Variants in COA8 observed in about 807,000 individuals in gnomAD.
COA8 encodes the protein UPF0671 protein C14orf153.
Under a neutral mutation model 22.0 loss-of-function variants are expected in COA8, and 20 were observed. The ratio of observed to expected loss-of-function variants is 0.91; its 90% CI spans 0.64 to 1.32. The LOEUF (loss-of-function observed/expected upper bound fraction) is 1.32. Among genes scored for constraint, COA8 ranks in the 40% most tolerant of loss-of-function variants. The probability of loss-of-function intolerance (pLI) is 0.00; values close to 1 mark genes in which losing one functional copy is unlikely to be tolerated. For missense variants in COA8, 266 were observed against 230.0 expected (o/e 1.16, Z -1.01); for synonymous variants, 105 against 79.9 (o/e 1.31, Z -1.68).
At chr14:103,572,099 C>T (rs1471668527) in intron 2 of COA8, among the ~76,000 whole-genome samples, 1 of 151,322 alleles carries the variant, frequency 6.6e-6, no homozygotes, top group Non-Finnish European at 1.5e-5. Flanking sequence ...TGCACTCCAG[C>T]CTGGGTGACA....
Position 103,590,256 on chromosome 14 carries a change from T to G in COA8, c.552T>G (p.Leu184=), listed in dbSNP as rs775759499. Residue 184 remains leucine, a synonymous_variant, in exon 5 of 5, where the codon CTT becomes CTG. Transcript: ENST00000409074. ...KVALERIWNK[L]KQKQKKRSN ...CCCTGGAAAGGATTTGGAACAAGCT[T>G]AAACAGAAACAAAAGAAGAGGAGCA... The G allele has an allele frequency of 6.2e-7, 1 of 1,614,058 alleles. No homozygotes were observed. The highest frequency in any genetic ancestry group is 1.1e-5 in the South Asian group (1 of 91,086).
At chr14:103,574,354 C>T in intron 3 of COA8, 184 bp downstream of exon 3, 2 of 784,836 alleles carry the variant, frequency 2.5e-6, no homozygotes, top group South Asian at 2.8e-5. Context: ...GCATGGCTCT[C>T]CAATCTCAGC....
At chr14:103,574,976 T>C (rs2076219810) in intron 3 of COA8, among the ~76,000 whole-genome samples, 1 of 152,252 alleles carries the variant, frequency 6.6e-6, no homozygotes, top group South Asian at 2.1e-4. Flanking sequence ...ATTTTATAGA[T>C]GAGCAACCTG....
intron 1 of COA8, among the ~76,000 whole-genome samples, chr14:103,571,234 T>C (rs1384370304): frequency 6.6e-6 from 1 of 151,978 alleles, no homozygotes; most frequent in African/African-American, 2.4e-5. Flanking sequence ...CCGGGCGTGG[T>C]GATGGGCGCC....
At position 103,573,903 on chromosome 14, in the gene COA8, C is replaced by G. The variant is rs527926787; in HGVS notation, c.322-204C>G. 5.9e-4 allele frequency among the ~76,000 whole-genome samples: 90 copies of G among 152,174 alleles called. No individual in the cohort carries two copies. The Middle Eastern group carries it at 0.01, about 17-fold the overall frequency. On this transcript the variant is annotated intron_variant, in intron 2 of 4. Coordinates refer to ENST00000409074, the MANE Select transcript of COA8 (RefSeq NM_001370595.2). ...GCGTCTCCCAAAGTTTATTGAACAT[C>G]TTCTCAAATCCTGTTTCAAGCACAA...
chr14:103,574,261 G>C (rs2076214167), intron 3 of COA8, 91 bp downstream of exon 3: 2 of 1,567,644 alleles, frequency 1.3e-6, no homozygotes, highest in Non-Finnish European at 1.8e-6. Flanking sequence ...GAGAGGTGGG[G>C]AAGTTCAGGG....
At chr14:103,567,627 C>T (rs1400375220) in intron 1 of COA8, 1 of 152,620 alleles carries the variant, frequency 6.6e-6, no homozygotes, top group African/African-American at 2.4e-5. Context: ...CTCAAGCAGT[C>T]CACCTACCTC....
At chr14:103,573,548 T>G (rs750116806) in intron 2 of COA8, among the ~76,000 whole-genome samples, 19 of 151,882 alleles carry the variant, frequency 1.3e-4, no homozygotes, top group African/African-American at 4.4e-4. Context: ...GAGGGTTTTT[T>G]TTGTTGTTGT....
intron 4 of COA8, among the ~76,000 whole-genome samples, chr14:103,589,913 C>CAAA (rs1026898331): frequency 1.7e-4 from 23 of 132,502 alleles, no homozygotes; most frequent in African/African-American, 6.1e-4. Context: ...GACTCCGTCT[C>CAAA]AAAAAAAAAA....
intron 3 of COA8, among the ~76,000 whole-genome samples, chr14:103,584,554 T>C (rs536126997): frequency 1.1e-4 from 17 of 152,308 alleles, no homozygotes; most frequent in African/African-American, 3.1e-4. Flanking sequence ...ACGTGGGTCT[T>C]ATGATCACGA....
At chr14:103,588,708 G>C (rs1022330594) in intron 4 of COA8, among the ~76,000 whole-genome samples, 1 of 151,930 alleles carries the variant, frequency 6.6e-6, no homozygotes, top group African/African-American at 2.4e-5. Flanking sequence ...GCTTGGTGTG[G>C]TAGTGTGCAC....
intron 1 of COA8, among the ~76,000 whole-genome samples, chr14:103,563,924 C>T (rs1455118596): frequency 6.6e-6 from 1 of 152,142 alleles, no homozygotes; most frequent in Non-Finnish European, 1.5e-5. Context: ...TTTGGGAGGC[C>T]GAGGCAAGCG....
At chr14:103,563,463 T>G in intron 1 of COA8, 1 of 436,514 alleles carries the variant, frequency 2.3e-6, no homozygotes, top group Non-Finnish European at 4.3e-6. Flanking sequence ...GCGTTTTTTT[T>G]CGTTGTGTGT....
chr14:103,588,206 T>G (rs1312412707), intron 4 of COA8: 1 of 383,840 alleles, frequency 2.6e-6, no homozygotes, highest in African/African-American at 2.1e-5. Context: ...GGACATGATA[T>G]CTGAGATTTG....
intron 3 of COA8, among the ~76,000 whole-genome samples, chr14:103,578,205 C>G (rs140028916): frequency 8.8e-4 from 133 of 151,982 alleles, no homozygotes; most frequent in African/African-American, 3.1e-3. Flanking sequence ...AAAAAAAATT[C>G]ATGTGGGGAA....
chr14:103,580,364 A>C (rs1338304995), intron 3 of COA8, among the ~76,000 whole-genome samples: 1 of 152,070 alleles, frequency 6.6e-6, no homozygotes, highest in Non-Finnish European at 1.5e-5. Context: ...GCTGGAGTGC[A>C]GTGGTGCAGT....
In COA8 at chr14:103,563,044, C is replaced by T. The variant is rs774809741; in HGVS notation, c.43C>T (p.Leu15Phe). 4 of 1,542,814 alleles carry T rather than the reference C, an allele frequency of 2.6e-6. No homozygotes were observed. Among genetic ancestry groups the T allele is most frequent in the Non-Finnish European group, 2.6e-6 (3 of 1,149,678 alleles). Residue 15 changes from leucine to phenylalanine, a missense_variant, in exon 1 of 5, where the codon CTC becomes TTC. Coordinates refer to ENST00000409074, the MANE Select transcript of COA8 (RefSeq NM_001370595.2). ...GGGGAAGAAGACCTTTCTCCCCCCT[C>T]TCTGCCGCGCCTTCGCCTGCCGCGG... is the stretch of plus-strand genomic sequence containing the variant. ...RAGKKTFLPP[L>F]CRAFACRGCQ...
chr14:103,571,795 C>A lies in COA8; in HGVS notation c.296C>A (p.Ala99Glu). Residue 99 changes from alanine to glutamate, a missense_variant, in exon 2 of 5, where the codon GCA (alanine) becomes GAA (glutamate). Coordinates refer to ENST00000409074, the MANE Select transcript of COA8 (RefSeq NM_001370595.2). ...CAAGAATGGAATCAACAGTTCTGGG[C>A]AAACCAGAATTTGACTTTTAGTAAG... ...ETQEWNQQFW[A>E]NQNLTFSKEK... The A allele has an allele frequency of 6.2e-7, 1 of 1,613,986 alleles. No homozygotes were observed. The highest frequency in any genetic ancestry group is 8.5e-7 in the Non-Finnish European group (1 of 1,179,982).
intron 4 of COA8, 151 bp from the exon 5 acceptor site, chr14:103,590,030 A>G: frequency 1.5e-6 from 1 of 670,534 alleles, no homozygotes; most frequent in South Asian, 1.8e-5. Flanking sequence ...GCCTCTATGA[A>G]TAGTTTAGCT....
Sources: gnomAD v4.1 joint callset for allele counts (sites outside exome capture counted in the v4.1 genomes callset) on GRCh38, gnomAD v4.1.1 for gene constraint, MANE v1.5 for transcripts, NCBI Gene and HGNC (gene_info 2026-07-23, HGNC 2026-07-21) for gene names.